The following SLC4A10 variants were observed in gnomAD, a reference collection of about 807,000 sequenced individuals.
SLC4A10 encodes solute carrier family 4 member 10.
SLC4A10 carries 42 observed loss-of-function variants against 137.7 expected under a neutral mutation model. That is an observed-to-expected ratio of 0.30 (90% CI 0.24 to 0.39). The LOEUF (loss-of-function observed/expected upper bound fraction) is 0.39, where lower values mean the gene tolerates loss of function less well. Among genes scored for constraint, SLC4A10 ranks in the 10% least tolerant of loss-of-function variants. The probability of loss-of-function intolerance (pLI) is 1.00; values close to 1 mark genes in which losing one functional copy is unlikely to be tolerated. For synonymous variants in SLC4A10, 474 were observed against 464.1 expected, an observed-to-expected ratio of 1.02 and a Z score of -0.27; for missense variants, 925 against 1,355.0, an observed-to-expected ratio of 0.68 and a Z score of 4.98.
chr2:161,938,006 C>T (rs1269323495), intron 15 of SLC4A10, among the ~76,000 whole-genome samples: 1 of 152,086 alleles, frequency 6.6e-6, no homozygotes, highest in Non-Finnish European at 1.5e-5. Context: ...GGTACGGTGG[C>T]TCATGCCTAT....
At chr2:161,794,042 A>G (rs1159289306) in intron 2 of SLC4A10, among the ~76,000 whole-genome samples, 1 of 152,172 alleles carries the variant, frequency 6.6e-6, no homozygotes, top group African/African-American at 2.4e-5. Context: ...AACAAAGGTC[A>G]TGTTTATGAA....
At chr2:161,975,044 T>G (rs1034811896) in intron 24 of SLC4A10, among the ~76,000 whole-genome samples, 4 of 152,172 alleles carry the variant, frequency 2.6e-5, no homozygotes, top group Admixed American at 1.3e-4. Flanking sequence ...GAGAATACTT[T>G]TTTATGAGAA....
chr2:161,678,604 C>T (rs568506001), intron 1 of SLC4A10, among the ~76,000 whole-genome samples: 1 of 152,218 alleles, frequency 6.6e-6, no homozygotes, highest in East Asian at 1.9e-4. Flanking sequence ...AGAGAAGACT[C>T]CTCCATGCTT....
At chr2:161,740,782 T>G (rs1431768231) in intron 1 of SLC4A10, among the ~76,000 whole-genome samples, 1 of 152,242 alleles carries the variant, frequency 6.6e-6, no homozygotes, top group Admixed American at 6.5e-5. Context: ...CTTGCTGTTT[T>G]ATGATACTAG....
At chr2:161,714,714 T>A (rs2044660494) in intron 1 of SLC4A10, among the ~76,000 whole-genome samples, 1 of 152,040 alleles carries the variant, frequency 6.6e-6, no homozygotes, top group Non-Finnish European at 1.5e-5. Context: ...ACTCCTGTGT[T>A]ATGATCCCAT....
At chr2:161,908,551 C>T (rs375295080) in intron 15 of SLC4A10, among the ~76,000 whole-genome samples, 18 of 149,290 alleles carry the variant, frequency 1.2e-4, no homozygotes, top group African/African-American at 3.5e-4. Context: ...CAAACCTGCA[C>T]GTTGTGCACA....
intron 1 of SLC4A10, chr2:161,708,885 T>C (rs1370827986): frequency 6.1e-5 from 90 of 1,477,580 alleles, no homozygotes; most frequent in Non-Finnish European, 7.8e-5. Flanking sequence ...TTGCTTTTTC[T>C]AGTTCTTACT....
chr2:161,637,031 A>T (rs1182078996), intron 1 of SLC4A10, among the ~76,000 whole-genome samples: 1 of 145,710 alleles, frequency 6.9e-6, no homozygotes, highest in African/African-American at 2.5e-5. Flanking sequence ...ATTTTTTAAA[A>T]ATTATTTATG....
chr2:161,767,816 C>A (rs2051086399), intron 1 of SLC4A10, among the ~76,000 whole-genome samples: 1 of 152,020 alleles, frequency 6.6e-6, no homozygotes, highest in Admixed American at 6.6e-5. Flanking sequence ...ATGATATCGC[C>A]TCTCAGTTTG....
intron 21 of SLC4A10, 21 bp downstream of exon 21, chr2:161,958,576 C>T (rs751236514): frequency 6.4e-7 from 1 of 1,574,016 alleles, no homozygotes; most frequent in Non-Finnish European, 8.7e-7. Context: ...TACAGTACTA[C>T]AGGCACATCT....
chr2:161,892,756 G>A (rs566004095), intron 10 of SLC4A10, among the ~76,000 whole-genome samples: 1 of 152,058 alleles, frequency 6.6e-6, no homozygotes, highest in East Asian at 1.9e-4. Flanking sequence ...TTCATCCCAA[G>A]TAAAATTTAA....
At chr2:161,699,305 C>A (rs1049120815) in intron 1 of SLC4A10, among the ~76,000 whole-genome samples, 7 of 152,170 alleles carry the variant, frequency 4.6e-5, no homozygotes, top group Admixed American at 4.6e-4. Flanking sequence ...CAGGCGTGAG[C>A]CACCGCACCC....
At chr2:161,913,802 T>C (rs958081138) in intron 15 of SLC4A10, among the ~76,000 whole-genome samples, 2 of 152,214 alleles carry the variant, frequency 1.3e-5, no homozygotes, top group Admixed American at 6.5e-5. Context: ...CATATTGTTA[T>C]GGGATCTTTA....
rs1559624276 is a variant in SLC4A10 at position 161,957,057 on chromosome 2, C to T, written c.2610C>T (p.Gly870=). The change falls in exon 20 of 27, where the codon GGC becomes GGT. Residue 870 remains glycine, a synonymous_variant. Transcript: ENST00000446997. ...TGCTCGGTGTATGCTCCATCATGGG[C>T]CTGCCATGGTTTGTGGCTGCCACAG... is the stretch of plus-strand genomic sequence containing the variant. The part of the protein sequence containing the change: ...AVMLGVCSIM[G]LPWFVAATVL... The T allele has an allele frequency of 6.2e-7, 1 of 1,612,240 alleles. No homozygotes were observed. Among genetic ancestry groups the T allele is most frequent in the Non-Finnish European group, 8.5e-7 (1 of 1,179,342 alleles).
chr2:161,814,512 C>T (rs1010913359), intron 3 of SLC4A10, among the ~76,000 whole-genome samples: 1 of 152,098 alleles, frequency 6.6e-6, no homozygotes, highest in South Asian at 2.1e-4. Flanking sequence ...ATGGCAAAGA[C>T]ATGGAATCAA....
chr2:161,980,588 G>A (rs1700084890), intron 26 of SLC4A10, among the ~76,000 whole-genome samples: 1 of 152,244 alleles, frequency 6.6e-6, no homozygotes, highest in Non-Finnish European at 1.5e-5. Flanking sequence ...CGTGGAGGTT[G>A]CAGTGAGCCA....
intron 11 of SLC4A10, among the ~76,000 whole-genome samples, chr2:161,896,334 A>T (rs1355960738): frequency 1.3e-5 from 2 of 151,852 alleles, no homozygotes; most frequent in Non-Finnish European, 2.9e-5. Context: ...GTATAGTTTG[A>T]AGTCAGGTAG....
chr2:161,974,460 G>T, intron 24 of SLC4A10, 144 bp downstream of exon 24: 1 of 574,500 alleles, frequency 1.7e-6, no homozygotes. Flanking sequence ...GATAACATGG[G>T]TCCTACTGCT....
chr2:161,665,501 C>T (rs1335019290), intron 1 of SLC4A10, among the ~76,000 whole-genome samples: 2 of 151,352 alleles, frequency 1.3e-5, no homozygotes, highest in East Asian at 3.9e-4. Context: ...TAGGAAAAAA[C>T]AAGATAGGTG....
Sources: gnomAD v4.1 joint callset for allele counts (sites outside exome capture counted in the v4.1 genomes callset) on GRCh38, gnomAD v4.1.1 for gene constraint, MANE v1.5 for transcripts, NCBI Gene and HGNC (gene_info 2026-07-23, HGNC 2026-07-21) for gene names.